The following PTGS1 variants were observed in gnomAD, a reference collection of about 807,000 sequenced individuals.
PTGS1 encodes the protein prostaglandin G/H synthase 1.
In PTGS1, 40 loss-of-function variants were observed where a neutral mutation model predicts 63.0. That is an observed-to-expected ratio of 0.63 (90% CI 0.49 to 0.83). The LOEUF (loss-of-function observed/expected upper bound fraction) is 0.83. Among genes scored for constraint, PTGS1 ranks in the 40% least tolerant of loss-of-function variants. The pLI, the probability that PTGS1 is intolerant of heterozygous loss-of-function variation, is 0.00. For synonymous variants in PTGS1, 298 were observed against 301.9 expected (o/e 0.99, Z 0.13); for missense variants, 709 against 786.5 (o/e 0.90, Z 1.18).
At chr9:122,391,817 T>C (rs1284557459) in intron 10 of PTGS1, among the ~76,000 whole-genome samples, 1 of 152,004 alleles carries the variant, frequency 6.6e-6, no homozygotes, top group East Asian at 1.9e-4. Flanking sequence ...CAGGCTAAGG[T>C]CTTGAAATCT....
intron 2 of PTGS1, chr9:122,375,246 A>G: frequency 2.1e-6 from 2 of 972,664 alleles, no homozygotes. Flanking sequence ...CCGGACTGGG[A>G]GGGAGGAGCC....
At chr9:122,378,976 T>C in intron 5 of PTGS1, 58 bp downstream of exon 5, 4 of 1,595,600 alleles carry the variant, frequency 2.5e-6, no homozygotes, top group Non-Finnish European at 3.4e-6. Context: ...GTTCTTCTCT[T>C]TGGGAAAAAT....
chr9:122,370,932 G>A (rs1836756131), upstream of PTGS1: 6 of 1,266,098 alleles, frequency 4.7e-6, no homozygotes, highest in Admixed American at 1.1e-4. Context: ...CTGGGCAGAG[G>A]AAGTAAGCGG....
In PTGS1 at chr9:122,381,690, C is replaced by T. The variant is rs1173412423; in HGVS notation, c.705C>T (p.Asp235=). Residue 235 remains aspartate, a synonymous_variant, in exon 7 of 11, where the codon GAC becomes GAT. Transcript: ENST00000362012. The stretch of plus-strand genomic sequence containing the variant: ...TAGACCTCGGCCACATTTATGGAGA[C>T]AATCTGGAGCGTCAGTATCAACTGC... ...HGVDLGHIYG[D]NLERQYQLRL... is the part of the protein sequence containing the mutation. 6.2e-7 allele frequency: 1 copy of T among 1,614,164 alleles called. No individual in the cohort carries two copies. The highest frequency in any genetic ancestry group is 8.5e-7 in the Non-Finnish European group (1 of 1,180,040).
At chr9:122,377,312 C>G (rs908291459) in intron 2 of PTGS1, among the ~76,000 whole-genome samples, 2 of 152,292 alleles carry the variant, frequency 1.3e-5, no homozygotes, top group Admixed American at 6.5e-5. Flanking sequence ...CTTTTTCTGG[C>G]TTCAATTTCC....
At chr9:122,388,243 G>C (rs1191240811) in intron 9 of PTGS1, among the ~76,000 whole-genome samples, 1 of 151,888 alleles carries the variant, frequency 6.6e-6, no homozygotes, top group African/African-American at 2.4e-5. Flanking sequence ...ATGGGGTTTT[G>C]CCATATTGCC....
intron 2 of PTGS1, among the ~76,000 whole-genome samples, chr9:122,377,403 C>T (rs1295848169): frequency 6.6e-6 from 1 of 151,964 alleles, no homozygotes; most frequent in Non-Finnish European, 1.5e-5. Context: ...ATCTCGTTTT[C>T]CTAGTGTTCA....
At chr9:122,374,445 C>T (rs1836993306) in intron 2 of PTGS1, among the ~76,000 whole-genome samples, 3 of 152,292 alleles carry the variant, frequency 2.0e-5, no homozygotes, top group South Asian at 2.1e-4. Context: ...CCAGTAAGAG[C>T]AGCCACTCTC....
intron 8 of PTGS1, among the ~76,000 whole-genome samples, 182 bp from the exon 9 acceptor site, chr9:122,386,264 T>C (rs550661036): frequency 4.6e-5 from 7 of 152,144 alleles, no homozygotes; most frequent in African/African-American, 1.2e-4. Context: ...AATTATACCA[T>C]TGCGCTCCAG....
At chr9:122,378,116 G>A (rs1220333747) in intron 3 of PTGS1, 101 bp downstream of exon 3, 2 of 1,155,434 alleles carry the variant, frequency 1.7e-6, no homozygotes, top group Non-Finnish European at 2.5e-6. Context: ...CTCTGACCAT[G>A]GCCCTGTTCT....
chr9:122,375,584 CGGGG>C, intron 2 of PTGS1: 2 of 764,234 alleles, frequency 2.6e-6, no homozygotes, highest in Non-Finnish European at 3.2e-6. Context: ...TTAAGGGAAG[CGGGG>C]GTCCCTTCTC....
At chr9:122,381,329 C>A in intron 5 of PTGS1, 42 bp from the exon 6 acceptor site, 4 of 1,595,120 alleles carry the variant, frequency 2.5e-6, no homozygotes, top group South Asian at 2.3e-5. Context: ...GCAGCAAGAT[C>A]CAGATAGGAG....
At chr9:122,383,462 T>A (rs753714118) in intron 7 of PTGS1, 47 bp from the exon 8 acceptor site, 2 of 1,559,934 alleles carry the variant, frequency 1.3e-6, no homozygotes, top group East Asian at 4.5e-5. Context: ...TGTGGGCAGC[T>A]GTGGGTGACC....
At chr9:122,386,302 GTAAAAA>G in intron 8 of PTGS1, 138 bp from the exon 9 acceptor site, 1 of 960,394 alleles carries the variant, frequency 1.0e-6, no homozygotes, top group Admixed American at 2.3e-5. Flanking sequence ...GACCTTGTCT[GTAAAAA>G]TAAAAATAAA....
intron 2 of PTGS1, chr9:122,372,690 T>C (rs10985626): frequency 0.013 from 1,993 of 152,390 alleles, 28 homozygotes; most frequent in Middle Eastern, 0.061. Context: ...ATCCAGGCAC[T>C]CTTGGTATAC....
chr9:122,389,220 G>A (rs1838057310), intron 9 of PTGS1, among the ~76,000 whole-genome samples: 2 of 137,966 alleles, frequency 1.4e-5, no homozygotes, highest in South Asian at 4.6e-4. Context: ...GTGTGATTTT[G>A]GCTCACTGTA....
Position 122,381,406 on chromosome 9 carries a change from C to A in PTGS1, c.532C>A (p.Arg178Ser), listed in dbSNP as rs745776199. The A allele has an allele frequency of 6.2e-7, 1 of 1,614,064 alleles. No individual in the cohort carries two copies. The highest frequency in any genetic ancestry group is 8.5e-7 in the Non-Finnish European group (1 of 1,180,002). The stretch of plus-strand genomic sequence containing the variant: ...GTTGCCAGATGCCCAGCTCCTGGCC[C>A]GCCGCTTCCTGCTCAGGAGGAAGTT... ...KQLPDAQLLA[R>S]RFLLRRKFIP... The change falls in exon 6 of 11, where the codon CGC becomes AGC. Residue 178 changes from arginine (R) to serine (S), a missense_variant. By Grantham distance (110) the Arg-to-Ser change is moderately radical. Coordinates refer to ENST00000362012, the MANE Select transcript of PTGS1 (RefSeq NM_000962.4).
In PTGS1 at chr9:122,383,531, C is replaced by T. The variant is rs199629964; in HGVS notation, c.785C>T (p.Pro262Leu). Residue 262 changes from proline (P) to leucine (L), a missense_variant, in exon 8 of 11, where the codon CCG becomes CTG. Physicochemically the swap from Pro to Leu is moderately conservative, Grantham distance 98 (BLOSUM62 -3). Transcript: ENST00000362012. Reference sequence around the variant, plus strand: ...CAGGTGCTGGATGGAGAAATGTACCCGCCCTCGGTAGAAGAGGCGCCTGTG... The same window carrying T: ...CAGGTGCTGGATGGAGAAATGTACCTGCCCTCGGTAGAAGAGGCGCCTGTG... The part of the protein sequence containing the change: ...KYQVLDGEMY[P>L]PSVEEAPVLM... 8.7e-5 allele frequency: 140 copies of T among 1,610,976 alleles called. No individual in the cohort carries two copies. Among genetic ancestry groups the T allele is most frequent in the Middle Eastern group, 1.6e-4 (1 of 6,074 alleles).
chr9:122,380,199 C>T lies in PTGS1; in HGVS notation c.497-1172C>T, dbSNP rs1837422930. On this transcript the variant is annotated intron_variant, in intron 5 of 10. Coordinates refer to ENST00000362012, the MANE Select transcript of PTGS1 (RefSeq NM_000962.4). ...CCTGATAGGTGGTGGTGTGGTGGCACACGTCTGTAATCCCAGCACTTTGGG... is the reference window on the plus strand; with the variant it reads ...CCTGATAGGTGGTGGTGTGGTGGCATACGTCTGTAATCCCAGCACTTTGGG... Among the ~76,000 whole-genome samples, 5 of 152,000 alleles carry T rather than the reference C, an allele frequency of 3.3e-5. 1 individual carries two copies. Among genetic ancestry groups the T allele is most frequent in the Admixed American group, 3.3e-4 (5 of 15,250 alleles).
Sources: gnomAD v4.1 joint callset for allele counts (sites outside exome capture counted in the v4.1 genomes callset) on GRCh38, gnomAD v4.1.1 for gene constraint, MANE v1.5 for transcripts, NCBI Gene and HGNC (gene_info 2026-07-23, HGNC 2026-07-21) for gene names.